Variants in CACNA1D observed in about 807,000 individuals in gnomAD.
The protein encoded by CACNA1D is voltage-dependent L-type calcium channel subunit alpha-1D.
A neutral mutation model predicts 257.1 loss-of-function variants in CACNA1D; 55 were observed. The ratio of observed to expected loss-of-function variants is 0.21; its 90% CI spans 0.17 to 0.27. CACNA1D has a LOEUF of 0.27. Ranked by LOEUF, CACNA1D falls within the 10% of genes least tolerant of loss-of-function variation. CACNA1D has a pLI of 1.00. For missense variants in CACNA1D, 1,876 were observed against 2,784.0 expected (o/e 0.67, Z 7.34); for synonymous variants, 980 against 1,014.9 (o/e 0.97, Z 0.65).
intron 3 of CACNA1D, among the ~76,000 whole-genome samples, chr3:53,614,742 A>C (rs2093619069): frequency 6.6e-6 from 1 of 152,198 alleles, no homozygotes; most frequent in South Asian, 2.1e-4. Context: ...TTTTGTGTGA[A>C]CTCCTGTGTG....
intron 47 of CACNA1D, among the ~76,000 whole-genome samples, chr3:53,810,805 G>A (rs796450421): frequency 5.9e-5 from 8 of 135,102 alleles, no homozygotes; most frequent in Admixed American, 2.2e-4. Flanking sequence ...GGTCACCACC[G>A]TCAATTCTCA....
chr3:53,621,601 C>A (rs991049223), intron 3 of CACNA1D, among the ~76,000 whole-genome samples: 1 of 152,152 alleles, frequency 6.6e-6, no homozygotes, highest in Non-Finnish European at 1.5e-5. Context: ...AAAAAGCAAT[C>A]ATCATAAAAG....
intron 46 of CACNA1D, 120 bp downstream of exon 46, chr3:53,808,890 C>A: frequency 9.8e-7 from 1 of 1,016,794 alleles, no homozygotes; most frequent in Non-Finnish European, 1.5e-6. Context: ...TCTTCACCTA[C>A]AGTCTAGTTA....
chr3:53,497,486 T>G (rs756313438), intron 2 of CACNA1D, 25 bp downstream of exon 2: 21 of 1,606,088 alleles, frequency 1.3e-5, no homozygotes, highest in Middle Eastern at 1.6e-4. Context: ...GGGGAAGTCT[T>G]TCTCATTTTC....
chr3:53,531,008 G>A (rs2091931185), intron 3 of CACNA1D, among the ~76,000 whole-genome samples: 1 of 141,866 alleles, frequency 7.0e-6, no homozygotes, highest in East Asian at 2.0e-4. Flanking sequence ...ACCATGCCCA[G>A]CTAATTTTAA....
intron 18 of CACNA1D, among the ~76,000 whole-genome samples, chr3:53,732,348 G>C (rs2095002957): frequency 6.6e-6 from 1 of 152,196 alleles, no homozygotes; most frequent in African/African-American, 2.4e-5. Context: ...GAGGCCCCCC[G>C]GTGTTAGCGC....
intron 30 of CACNA1D, chr3:53,765,453 A>C (rs1438774559): frequency 1.3e-5 from 2 of 152,668 alleles, no homozygotes; most frequent in Non-Finnish European, 2.9e-5. Context: ...TATTTTTAGA[A>C]AATTGTAGCG....
At chr3:53,689,766 C>T (rs143487633) in intron 8 of CACNA1D, among the ~76,000 whole-genome samples, 1 of 152,262 alleles carries the variant, frequency 6.6e-6, no homozygotes, top group East Asian at 1.9e-4. Flanking sequence ...TCAAGCAATC[C>T]TCCCACTTCA....
intron 9 of CACNA1D, among the ~76,000 whole-genome samples, chr3:53,703,059 G>C (rs969757935): frequency 6.6e-6 from 1 of 152,234 alleles, no homozygotes. Context: ...AAGGTCAAAC[G>C]GACCCACTGT....
chr3:53,787,273 C>T (rs1208811561), intron 40 of CACNA1D, among the ~76,000 whole-genome samples: 1 of 152,238 alleles, frequency 6.6e-6, no homozygotes, highest in Non-Finnish European at 1.5e-5. Flanking sequence ...ACCTTCCCCA[C>T]AGCCCTGGGC....
chr3:53,763,812 A>C (rs1031634550), intron 30 of CACNA1D, among the ~76,000 whole-genome samples: 7 of 152,202 alleles, frequency 4.6e-5, no homozygotes, highest in African/African-American at 7.2e-5. Flanking sequence ...TTGCAGCCCT[A>C]GTTCCAAACT....
chr3:53,800,111 C>T lies in CACNA1D; in HGVS notation c.4924-138C>T. 1 of 766,252 alleles carries T rather than the reference C, an allele frequency of 1.3e-6. No homozygotes were observed. Among genetic ancestry groups the T allele is most frequent in the African/African-American group, 1.7e-5 (1 of 58,974 alleles). 47.5% of individuals were successfully genotyped at this position (766,252 alleles called of 1,614,324 possible). A position where few individuals can be genotyped will look rare whatever the true frequency, so the allele number is the denominator to read the frequency against. On this transcript the variant is annotated intron_variant, in intron 40 of 47. Transcript: ENST00000350061. The surrounding 1 kb of genome is among the most constrained non-coding windows in gnomAD (Gnocchi z 4.3). ...ACAACCCTTAGACTGCCTTCAGTGA[C>T]ATCAGTCAGTGCCCTGGATTGGCTT...
intron 3 of CACNA1D, among the ~76,000 whole-genome samples, chr3:53,597,700 C>A (rs1013496075): frequency 5.9e-5 from 9 of 152,182 alleles, no homozygotes. Flanking sequence ...GCACAGGTCG[C>A]TTCATGAGTT....
At chr3:53,551,534 A>G (rs1449438859) in intron 3 of CACNA1D, among the ~76,000 whole-genome samples, 2 of 152,158 alleles carry the variant, frequency 1.3e-5, no homozygotes, top group African/African-American at 2.4e-5. Flanking sequence ...TCACACATCT[A>G]CATGCCTGTA....
intron 3 of CACNA1D, among the ~76,000 whole-genome samples, chr3:53,532,175 C>A (rs2091973158): frequency 1.3e-5 from 2 of 152,118 alleles, no homozygotes; most frequent in Admixed American, 1.3e-4. Context: ...GAAGACTAGT[C>A]CTGTTATAAC....
At chr3:53,607,681 G>A (rs899239108) in intron 3 of CACNA1D, among the ~76,000 whole-genome samples, 11 of 152,360 alleles carry the variant, frequency 7.2e-5, no homozygotes, top group African/African-American at 2.6e-4. Flanking sequence ...GCTTTTGCAT[G>A]TAGCTCTATG....
intron 40 of CACNA1D, among the ~76,000 whole-genome samples, chr3:53,795,205 G>A (rs569280193): frequency 1.3e-5 from 2 of 152,364 alleles, no homozygotes; most frequent in South Asian, 2.1e-4. Flanking sequence ...CCAAGGATGT[G>A]TGCCAAACAG....
intron 9 of CACNA1D, among the ~76,000 whole-genome samples, chr3:53,712,964 C>T (rs2094776098): frequency 6.6e-6 from 1 of 152,188 alleles, no homozygotes. Context: ...TGAGGCTCTC[C>T]TGTGACGCCC....
rs60741810 is a variant in CACNA1D at position 53,507,452 on chromosome 3, C to CA, written c.483+5748dup. The stretch of plus-strand genomic sequence containing the variant: ...AGTGAGATTCCATGTCTCCCCCCGC[C>CA]AAAAAAAAAAAAAAAATTAGCTGGG... On this transcript the variant is annotated intron_variant, in intron 3 of 47. Coordinates refer to ENST00000350061, the MANE Select transcript of CACNA1D (RefSeq NM_001128840.3). Among the ~76,000 whole-genome samples, 1,158 of 123,130 alleles carry CA rather than the reference C, an allele frequency of 9.4e-3. 5 individuals are homozygous for CA. Among genetic ancestry groups the CA allele is most frequent in the Non-Finnish European group, 0.012 (664 of 56,570 alleles). The allele number at this position is 123,130 out of a possible 152,430, so 80.8% of individuals were successfully genotyped here.
Sources: gnomAD v4.1 joint callset for allele counts (sites outside exome capture counted in the v4.1 genomes callset) on GRCh38, gnomAD v4.1.1 for gene constraint, Gnocchi (gnomAD v3.1) non-coding constraint, MANE v1.5 for transcripts, NCBI Gene and HGNC (gene_info 2026-07-23, HGNC 2026-07-21) for gene names.